The following SNTG1 variants were observed in gnomAD, a reference collection of about 807,000 sequenced individuals.
SNTG1 encodes gamma-1-syntrophin.
A neutral mutation model predicts 74.7 loss-of-function variants in SNTG1; 39 were observed. The ratio of observed to expected loss-of-function variants is 0.52; its 90% confidence interval spans 0.40 to 0.68. The LOEUF (loss-of-function observed/expected upper bound fraction) is 0.68. Ranked by LOEUF, SNTG1 falls within the 30% of genes least tolerant of loss-of-function variation. The pLI, the probability that SNTG1 is intolerant of heterozygous loss-of-function variation, is 0.00. For missense variants in SNTG1, 685 were observed against 609.5 expected, an observed-to-expected ratio of 1.12 and a Z score of -1.30; for synonymous variants, 254 against 217.1, an observed-to-expected ratio of 1.17 and a Z score of -1.49.
chr8:50,467,761 A>G (rs2093620691), intron 8 of SNTG1, among the ~76,000 whole-genome samples: 2 of 151,930 alleles, frequency 1.3e-5, no homozygotes, highest in South Asian at 4.1e-4. Flanking sequence ...TTACTAATAC[A>G]TGCATTCAAT....
intron 1 of SNTG1, among the ~76,000 whole-genome samples, chr8:49,949,874 C>A (rs55780592): frequency 6.6e-6 from 1 of 152,064 alleles, no homozygotes; most frequent in Non-Finnish European, 1.5e-5. Flanking sequence ...GCGCAGTGGC[C>A]CAGGCCTACG....
chr8:50,784,895 A>C (rs1010137643), intron 18 of SNTG1, among the ~76,000 whole-genome samples: 1 of 152,172 alleles, frequency 6.6e-6, no homozygotes, highest in African/African-American at 2.4e-5. Context: ...AATGAATAAC[A>C]AAAGAACAAT....
chr8:50,688,050 T>C (rs1236450217), intron 15 of SNTG1, among the ~76,000 whole-genome samples: 1 of 152,180 alleles, frequency 6.6e-6, no homozygotes, highest in East Asian at 1.9e-4. Context: ...TGCATAAATG[T>C]CTTCTTTTGG....
intron 1 of SNTG1, among the ~76,000 whole-genome samples, chr8:50,136,155 T>A (rs1208516174): frequency 3.9e-5 from 6 of 152,190 alleles, no homozygotes; most frequent in Admixed American, 3.9e-4. Flanking sequence ...AGACCAACTA[T>A]TCATGGATAT....
intron 1 of SNTG1, among the ~76,000 whole-genome samples, chr8:49,935,596 C>A (rs1036368647): frequency 6.6e-6 from 1 of 151,148 alleles, no homozygotes; most frequent in Non-Finnish European, 1.5e-5. Flanking sequence ...CACACCGGCT[C>A]CCATTTTCCC....
Position 50,462,794 on chromosome 8 carries a change from C to CTTTTTTTTTTTTTTTTTTTTTTT in SNTG1, c.363+12066_363+12067insTTTTTTTTTTTTTTTTTTTTTTT, listed in dbSNP as rs2093576027. On this transcript the variant is annotated intron_variant, in intron 8 of 18. Transcript: ENST00000642720. ...AACTCAGTCGCATCTTCAGGTTCTA[C>CTTTTTTTTTTTTTTTTTTTTTTT]TCTTTTTTTTTTTTTTTTTTTTTTT... Among the ~76,000 whole-genome samples the CTTTTTTTTTTTTTTTTTTTTTTT allele has an allele frequency of 2.8e-4, 12 of 43,628 alleles. 5 individuals carry two copies. Among genetic ancestry groups the CTTTTTTTTTTTTTTTTTTTTTTT allele is most frequent in the Non-Finnish European group, 1.9e-4 (4 of 21,436 alleles). 28.6% of individuals were successfully genotyped at this position (43,628 alleles called of 152,430 possible).
chr8:50,218,255 C>T (rs2084891888), intron 2 of SNTG1, among the ~76,000 whole-genome samples: 1 of 152,130 alleles, frequency 6.6e-6, no homozygotes, highest in Non-Finnish European at 1.5e-5. Context: ...GAAAATTACA[C>T]AATTGAGGCC....
intron 1 of SNTG1, among the ~76,000 whole-genome samples, chr8:49,969,568 G>T (rs200296198): frequency 2.0e-5 from 3 of 151,020 alleles, no homozygotes; most frequent in Non-Finnish European, 3.0e-5. Context: ...AGCTAATTTT[G>T]GTATTTTTAG....
chr8:50,298,471 A>G (rs2089493395), intron 2 of SNTG1, among the ~76,000 whole-genome samples: 2 of 152,114 alleles, frequency 1.3e-5, no homozygotes, highest in Admixed American at 6.6e-5. Flanking sequence ...CCCCCTGCCC[A>G]TGCAATGTAC....
intron 8 of SNTG1, among the ~76,000 whole-genome samples, chr8:50,499,448 T>C (rs2093932087): frequency 6.6e-6 from 1 of 150,984 alleles, no homozygotes; most frequent in South Asian, 2.1e-4. Flanking sequence ...TAGATTCTAG[T>C]GCACTTTTTG....
chr8:50,547,173 A>G (rs2094394251), intron 11 of SNTG1, among the ~76,000 whole-genome samples: 1 of 152,130 alleles, frequency 6.6e-6, no homozygotes, highest in Admixed American at 6.6e-5. Context: ...CATCATCCTG[A>G]TGTTACATGT....
chr8:50,312,822 C>T (rs2090167840), intron 2 of SNTG1, among the ~76,000 whole-genome samples: 1 of 149,996 alleles, frequency 6.7e-6, no homozygotes, highest in Non-Finnish European at 1.5e-5. Flanking sequence ...ACTATGAGGG[C>T]TTTAAAACAT....
intron 10 of SNTG1, among the ~76,000 whole-genome samples, 160 bp from the exon 11 acceptor site, chr8:50,536,518 A>T (rs1025803772): frequency 2.4e-4 from 36 of 152,172 alleles, no homozygotes. Context: ...AACCAATACA[A>T]CTTTAGTGTC....
chr8:50,150,549 T>G lies in SNTG1; in HGVS notation c.-102-22012T>G, dbSNP rs537658832. Among the ~76,000 whole-genome samples, 4 of 152,318 alleles carry G rather than the reference T, an allele frequency of 2.6e-5. No individual in the cohort carries two copies. In the East Asian group the frequency reaches 7.7e-4, roughly 29 times the overall value. ...GTGGGTTTGTCATAAATAGCTCTTA[T>G]TATTTTGAGATACGTCCCATTAATA... On this transcript the variant is annotated intron_variant, in intron 1 of 18. Transcript: ENST00000642720.
chr8:50,449,222 T>A (rs964395898), intron 5 of SNTG1, among the ~76,000 whole-genome samples: 14 of 152,168 alleles, frequency 9.2e-5, no homozygotes, highest in Non-Finnish European at 1.8e-4. Context: ...ATTTTGTTTA[T>A]CCATTTGTTC....
chr8:50,467,377 T>C (rs537549876), intron 8 of SNTG1, among the ~76,000 whole-genome samples: 4 of 152,028 alleles, frequency 2.6e-5, no homozygotes, highest in Middle Eastern at 6.8e-3. Context: ...CTATTTCTTC[T>C]TGCGGAAATT....
intron 2 of SNTG1, among the ~76,000 whole-genome samples, chr8:50,241,791 T>C (rs2086174410): frequency 1.3e-5 from 2 of 152,158 alleles, no homozygotes; most frequent in African/African-American, 4.8e-5. Flanking sequence ...TAATGAACTT[T>C]ACAATTATGC....
chr8:50,457,842 G>A (rs1487262321), intron 8 of SNTG1: 5 of 152,212 alleles, frequency 3.3e-5, no homozygotes, highest in African/African-American at 1.2e-4. Context: ...TTCAGCCCCA[G>A]GCACTGCCAT....
chr8:50,499,154 G>T (rs996383358), intron 8 of SNTG1, among the ~76,000 whole-genome samples: 1 of 151,700 alleles, frequency 6.6e-6, no homozygotes, highest in African/African-American at 2.4e-5. Flanking sequence ...TTATAAAAAA[G>T]TCTGCTGGGA....
Sources: allele counts gnomAD v4.1 joint callset (sites outside exome capture counted in the v4.1 genomes callset), GRCh38; gene constraint gnomAD v4.1.1; transcripts MANE v1.5; gene names NCBI Gene and HGNC (gene_info 2026-07-23, HGNC 2026-07-21).